Variants in TGM3 observed in about 807,000 individuals in gnomAD.
The protein encoded by TGM3 is protein-glutamine gamma-glutamyltransferase E.
TGM3 carries 52 observed loss-of-function variants against 73.8 expected under a neutral mutation model. The observed-to-expected ratio is 0.70, with a 90% CI of 0.56 to 0.89. The LOEUF is 0.89. Ranked by LOEUF, TGM3 falls within the 40% of genes least tolerant of loss-of-function variation. TGM3 has a pLI of 0.00. For synonymous variants in TGM3, 372 were observed against 354.9 expected, an observed-to-expected ratio of 1.05 and a Z score of -0.54; for missense variants, 928 against 909.9, an observed-to-expected ratio of 1.02 and a Z score of -0.26.
rs147858455 is a variant in TGM3, at chr20:2,310,970, G to A, written c.422-41G>A. On this transcript the variant is annotated intron_variant, in intron 3 of 12. Transcript: ENST00000381458. ...GGAGGAACGATCCCTACAGTCCTCC[G>A]AGGATTCTAGTCGCTGGTGTCTGCT... The A allele has an allele frequency of 1.5e-5, 24 of 1,566,088 alleles. No homozygotes were observed. In the East Asian group the frequency reaches 1.6e-4, roughly 10 times the overall value.
chr20:2,339,255 C>T (rs1008421053), intron 11 of TGM3, among the ~76,000 whole-genome samples: 1 of 152,208 alleles, frequency 6.6e-6, no homozygotes, highest in Non-Finnish European at 1.5e-5. Flanking sequence ...CCCTTTTCAA[C>T]ACCTGTGGGG....
intron 7 of TGM3, among the ~76,000 whole-genome samples, chr20:2,325,406 C>A (rs2084280975): frequency 6.6e-6 from 1 of 152,150 alleles, no homozygotes; most frequent in Admixed American, 6.6e-5. Context: ...CCTGCAGCAA[C>A]CCCATTCATT....
At chr20:2,300,553 C>G (rs1043936701) in intron 1 of TGM3, among the ~76,000 whole-genome samples, 3 of 152,152 alleles carry the variant, frequency 2.0e-5, no homozygotes, top group African/African-American at 2.4e-5. Context: ...GGCTACAGGG[C>G]GGCAGCTTGG....
rs539496996 is a variant in TGM3 at position 2,327,348 on chromosome 20, C to T, written c.1088-772C>T. 2.0e-4 allele frequency among the ~76,000 whole-genome samples: 30 copies of T among 151,162 alleles called. No individual in the cohort carries two copies. The East Asian group carries it at 4.1e-3, about 21-fold the overall frequency. On this transcript the variant is annotated intron_variant, in intron 8 of 12. Transcript: ENST00000381458. ...AAAATTAGCCGGGCGTGGTGGCGGG[C>T]GCCTGTAGTCCCAGCTACTGAGAGA...
intron 5 of TGM3, among the ~76,000 whole-genome samples, chr20:2,316,046 G>A (rs1225614652): frequency 6.6e-6 from 1 of 152,120 alleles, no homozygotes; most frequent in African/African-American, 2.4e-5. Context: ...TTACACATTT[G>A]TCATAATTTC....
chr20:2,323,034 A>G (rs1372967532), intron 7 of TGM3, among the ~76,000 whole-genome samples: 1 of 152,230 alleles, frequency 6.6e-6, no homozygotes, highest in African/African-American at 2.4e-5. Flanking sequence ...TTTATCATAC[A>G]TCTACATATA....
chr20:2,302,904 G>A (rs1383502412), intron 1 of TGM3, among the ~76,000 whole-genome samples: 2 of 152,160 alleles, frequency 1.3e-5, no homozygotes, highest in Non-Finnish European at 2.9e-5. Flanking sequence ...ATGAGCTACT[G>A]ATGCATCCTC....
chr20:2,332,997 C>T lies in TGM3; in HGVS notation c.1642+687C>T, dbSNP rs1292885873. Among the ~76,000 whole-genome samples, 1 of 152,170 alleles carries T rather than the reference C, an allele frequency of 6.6e-6. No individual in the cohort carries two copies. Among genetic ancestry groups the T allele is most frequent in the Non-Finnish European group, 1.5e-5 (1 of 68,022 alleles). ...GAGCGTTTGGGAGGAACAGTGACTC[C>T]TTGCCCTTGGGTAGCAGGGATGGGA... On this transcript the variant is annotated intron_variant, in intron 10 of 12. Transcript: ENST00000381458. The surrounding 1 kb of genome is among the most constrained non-coding windows in gnomAD (Gnocchi z 4.4).
At chr20:2,333,033 G>A (rs1421773815) in intron 10 of TGM3, among the ~76,000 whole-genome samples, 1 of 152,246 alleles carries the variant, frequency 6.6e-6, no homozygotes, top group Admixed American at 6.5e-5. Flanking sequence ...AGGGAACAAG[G>A]TGGAGCAGAT....
At chr20:2,314,002 C>A (rs1361924838) in intron 5 of TGM3, among the ~76,000 whole-genome samples, 1 of 87,908 alleles carries the variant, frequency 1.1e-5, no homozygotes, top group Non-Finnish European at 2.9e-5. Flanking sequence ...CCTGTCTCTA[C>A]AACAACAACA....
At chr20:2,299,490 G>A (rs2084131043) in intron 1 of TGM3, among the ~76,000 whole-genome samples, 1 of 152,102 alleles carries the variant, frequency 6.6e-6, no homozygotes, top group African/African-American at 2.4e-5. Flanking sequence ...TCCTCCCCAG[G>A]GCCCACGTGC....
intron 5 of TGM3, among the ~76,000 whole-genome samples, chr20:2,313,980 A>G (rs1052224685): frequency 2.7e-5 from 4 of 150,624 alleles, no homozygotes; most frequent in Non-Finnish European, 5.9e-5. Flanking sequence ...AGCCTGGACA[A>G]CATGGCAAAA....
rs767800111 is a variant in TGM3 at position 2,339,933 on chromosome 20, ACTGCGTGCTGATGGTGGAGGGAAGCGGC to A, written c.1885_1912del (p.Val629CysfsTer5). 3.1e-6 allele frequency: 5 copies of A among 1,601,976 alleles called. No individual in the cohort carries two copies. In the African/African-American group the frequency reaches 4.1e-5, roughly 13 times the overall value. On this transcript the variant is annotated frameshift_variant, in exon 12 of 13. Coordinates refer to ENST00000381458, the MANE Select transcript of TGM3 (RefSeq NM_003245.4). LOFTEE classifies it high-confidence loss of function. ...AATCCACTGGATGAGCCGGTGAGGG[ACTGCGTGCTGATGGTGGAGGGAAGCGGC>A]CTGCTGTTGGGTAACCTGAAGATCG... is the stretch of plus-strand genomic sequence containing the variant.
intron 1 of TGM3, among the ~76,000 whole-genome samples, chr20:2,308,266 CAG>C (rs2122216250): frequency 6.6e-6 from 1 of 152,228 alleles, no homozygotes; most frequent in South Asian, 2.1e-4. Context: ...TGTTCTGATG[CAG>C]AGAGATGGAC....
At chr20:2,312,264 G>A (rs2084208256) in intron 4 of TGM3, among the ~76,000 whole-genome samples, 1 of 151,966 alleles carries the variant, frequency 6.6e-6, no homozygotes, top group Non-Finnish European at 1.5e-5. Flanking sequence ...GCCAGGTGTG[G>A]TGGCACGGGC....
At chr20:2,327,252 C>T (rs563806945) in intron 8 of TGM3, among the ~76,000 whole-genome samples, 8 of 151,894 alleles carry the variant, frequency 5.3e-5, no homozygotes, top group South Asian at 2.1e-4. Flanking sequence ...GGGTGGATCA[C>T]GAGGTCAGGA....
In TGM3 at chr20:2,322,133, G is replaced by A. The variant is rs368693311; in HGVS notation, c.984-3716G>A. ...GAGTTCTAACCGATCATGAAGGCCT[G>A]TTCAAAAAGACTCCCTGGATCCTGG... is the stretch of plus-strand genomic sequence containing the variant. On this transcript the variant is annotated intron_variant, in intron 7 of 12. Transcript: ENST00000381458. 7.9e-5 allele frequency among the ~76,000 whole-genome samples: 12 copies of A among 151,814 alleles called. No individual in the cohort carries two copies. The East Asian group carries it at 1.2e-3, about 15-fold the overall frequency.
Position 2,334,683 on chromosome 20 carries a change from C to T in TGM3, c.1643-433C>T, listed in dbSNP as rs2084338726. ...CTTGTGGCTGGGAGCAGTGCTCACG[C>T]CTGTAATCCCAACACTTTGGGAGGC... On this transcript the variant is annotated intron_variant, in intron 10 of 12. Transcript: ENST00000381458. The surrounding 1 kb of genome is among the most constrained non-coding windows in gnomAD (Gnocchi z 4.0). 6.6e-6 allele frequency among the ~76,000 whole-genome samples: 1 copy of T among 152,182 alleles called. No individual in the cohort carries two copies. The highest frequency in any genetic ancestry group is 6.5e-5 in the Admixed American group (1 of 15,278).
chr20:2,296,093 A>C, intron 1 of TGM3, 23 bp downstream of exon 1: 3 of 1,550,222 alleles, frequency 1.9e-6, no homozygotes, highest in South Asian at 2.4e-5. Flanking sequence ...CATCTTCTCC[A>C]TCAGGTCCTT....
Sources: gnomAD v4.1 joint callset for allele counts (sites outside exome capture counted in the v4.1 genomes callset) on GRCh38, gnomAD v4.1.1 for gene constraint, Gnocchi (gnomAD v3.1) non-coding constraint, MANE v1.5 for transcripts, NCBI Gene and HGNC (gene_info 2026-07-23, HGNC 2026-07-21) for gene names.